AGAP1: variants seen among roughly 807,000 people sequenced by gnomAD.
AGAP1 encodes the protein ArfGAP with GTPase domain, ankyrin repeat and PH domain 1.
A neutral mutation model predicts 105.3 loss-of-function variants in AGAP1; 29 were observed. That is an observed-to-expected ratio of 0.28 (90% confidence interval 0.21 to 0.38). The LOEUF is 0.38. AGAP1 is among the 10% of genes least tolerant of loss of function. The pLI is 1.00. For synonymous variants in AGAP1, 509 were observed against 485.9 expected, an observed-to-expected ratio of 1.05 and a Z score of -0.63; for missense variants, 998 against 1,165.1, an observed-to-expected ratio of 0.86 and a Z score of 2.09.
At chr2:235,834,747 C>T (rs1366320742) in intron 9 of AGAP1, among the ~76,000 whole-genome samples, 2 of 152,042 alleles carry the variant, frequency 1.3e-5, no homozygotes, top group African/African-American at 2.4e-5. Context: ...CGAGAGTCTC[C>T]GAAGTTAGAC....
At chr2:235,916,701 TGGCC>T (rs2051902317) in intron 11 of AGAP1, among the ~76,000 whole-genome samples, 1 of 152,350 alleles carries the variant, frequency 6.6e-6, no homozygotes, top group East Asian at 1.9e-4. Context: ...TTGAAAAGCT[TGGCC>T]GATGCTGACT....
At chr2:235,942,452 C>T (rs1423644948) in intron 12 of AGAP1, among the ~76,000 whole-genome samples, 2 of 151,960 alleles carry the variant, frequency 1.3e-5, no homozygotes, top group East Asian at 1.9e-4. Flanking sequence ...CCGAGACGGG[C>T]GGATCACCTG....
At chr2:235,511,553 GAGCTC>G (rs2149028431) in intron 1 of AGAP1, among the ~76,000 whole-genome samples, 1 of 152,296 alleles carries the variant, frequency 6.6e-6, no homozygotes, top group Non-Finnish European at 1.5e-5. Flanking sequence ...CTGGCAGCCT[GAGCTC>G]AGGGCAGTTC....
In AGAP1 at chr2:235,690,638, G is replaced by A. The variant is rs1186771445; in HGVS notation, c.164-18541G>A. 6.6e-6 allele frequency among the ~76,000 whole-genome samples: 1 copy of A among 152,114 alleles called. No homozygotes were observed. The highest frequency in any genetic ancestry group is 2.1e-4 in the South Asian group (1 of 4,836). On this transcript the variant is annotated intron_variant, in intron 1 of 17. Coordinates refer to ENST00000304032, the MANE Select transcript of AGAP1 (RefSeq NM_001037131.3). The surrounding 1 kb of genome is among the most constrained non-coding windows in gnomAD (Gnocchi z 4.1). ...GAGCGTCTGCTTGAGGAGCTCTGACGGGCTGGGCAGCCAGTGCTCCTGGCC... is the reference window on the plus strand; with the variant it reads ...GAGCGTCTGCTTGAGGAGCTCTGACAGGCTGGGCAGCCAGTGCTCCTGGCC...
chr2:235,928,522 G>C (rs1207005705), intron 11 of AGAP1, among the ~76,000 whole-genome samples: 1 of 152,164 alleles, frequency 6.6e-6, no homozygotes, highest in African/African-American at 2.4e-5. Flanking sequence ...CTCACCATTG[G>C]TTGAGCCCAG....
chr2:235,857,560 CAG>C (rs2048740621), intron 9 of AGAP1, among the ~76,000 whole-genome samples: 1 of 152,176 alleles, frequency 6.6e-6, no homozygotes, highest in African/African-American at 2.4e-5. Context: ...CCTTTTTAAA[CAG>C]AACCTGCAGA....
At chr2:236,026,343 C>T (rs775503394) in intron 13 of AGAP1, among the ~76,000 whole-genome samples, 17 of 151,930 alleles carry the variant, frequency 1.1e-4, no homozygotes, top group Non-Finnish European at 2.4e-4. Flanking sequence ...GCAGGTGGCA[C>T]GTGGAAGGCC....
At chr2:235,836,775 G>A (rs1177315568) in intron 9 of AGAP1, among the ~76,000 whole-genome samples, 1 of 152,138 alleles carries the variant, frequency 6.6e-6, no homozygotes, top group Non-Finnish European at 1.5e-5. Flanking sequence ...CAAGTTCCTG[G>A]TATGTTTTCT....
chr2:235,863,808 A>T (rs2049034834), intron 9 of AGAP1, among the ~76,000 whole-genome samples: 1 of 152,300 alleles, frequency 6.6e-6, no homozygotes, highest in South Asian at 2.1e-4. Context: ...GCAGCTGTGG[A>T]TGAGACCTTC....
At chr2:235,548,250 AGT>A (rs1185502441) in intron 1 of AGAP1, among the ~76,000 whole-genome samples, 1 of 152,182 alleles carries the variant, frequency 6.6e-6, no homozygotes, top group Non-Finnish European at 1.5e-5. Context: ...CTGTTCCTGT[AGT>A]GTCGCTCATG....
At chr2:235,748,629 C>A (rs115396037) in intron 5 of AGAP1, among the ~76,000 whole-genome samples, 3,304 of 152,122 alleles carry the variant, frequency 0.022, 106 homozygotes, top group African/African-American at 0.069. Flanking sequence ...GTCAGCCCAA[C>A]CCTATTTCAT....
Position 236,014,776 on chromosome 2 carries a change from C to T in AGAP1, c.1646-21785C>T, listed in dbSNP as rs568552498. On this transcript the variant is annotated intron_variant, in intron 13 of 17. Transcript: ENST00000304032. This position sits in a 1 kb window ranked among gnomAD's most constrained non-coding sequence, Gnocchi z 6.3. ...TCCTTTTTGTTTTCTCTCTTTTTCC[C>T]CTCTCCCCTTTCTGCTCTCGGGATG... The T allele has an allele frequency of 7.0e-6, 3 of 426,180 alleles. No homozygotes were observed. Among genetic ancestry groups the T allele is most frequent in the African/African-American group, 2.1e-5 (1 of 47,244 alleles). The allele number at this position is 426,180 out of a possible 1,614,324, so 26.4% of individuals were successfully genotyped here.
At position 235,590,712 on chromosome 2, in the gene AGAP1, T is replaced by TGCGC. The variant is rs1553574212; in HGVS notation, c.163+95865_163+95866insGCGC. 6.1e-4 allele frequency among the ~76,000 whole-genome samples: 71 copies of TGCGC among 117,042 alleles called. 1 individual carries two copies. Among genetic ancestry groups the TGCGC allele is most frequent in the Middle Eastern group, 5.7e-3 (1 of 176 alleles). 76.8% of individuals were successfully genotyped at this position (117,042 alleles called of 152,430 possible). Reference sequence around the variant, plus strand: ...GTGTGCGTGTGTGTGTGTGTGTGTGTGCATTTTTTTTTTTTTTTTTTTTTT... The same window carrying TGCGC: ...GTGTGCGTGTGTGTGTGTGTGTGTGTGCGCGCATTTTTTTTTTTTTTTTTTTTTT... On this transcript the variant is annotated intron_variant, in intron 1 of 17. Transcript: ENST00000304032.
In AGAP1 at chr2:236,113,770, G is replaced by A. The variant is rs1278586166; in HGVS notation, c.2115-6422G>A. 6.6e-6 allele frequency among the ~76,000 whole-genome samples: 1 copy of A among 152,108 alleles called. No individual in the cohort carries two copies. The highest frequency in any genetic ancestry group is 1.9e-4 in the East Asian group (1 of 5,186). On this transcript the variant is annotated intron_variant, in intron 16 of 17. Transcript: ENST00000304032. This position sits in a 1 kb window ranked among gnomAD's most constrained non-coding sequence, Gnocchi z 4.3. ...TGGCAGACCCCGAAAAATCCAGAGG[G>A]TTCACGGCTCCTGCAACCTACCCAG...
At position 235,843,855 on chromosome 2, in the gene AGAP1, G is replaced by T. The variant is rs778562142; in HGVS notation, c.1050+36524G>T. Among the ~76,000 whole-genome samples, 2 of 152,208 alleles carry T rather than the reference G, an allele frequency of 1.3e-5. No individual in the cohort carries two copies. The highest frequency in any genetic ancestry group is 2.9e-5 in the Non-Finnish European group (2 of 68,044). On this transcript the variant is annotated intron_variant, in intron 9 of 17. Coordinates refer to ENST00000304032, the MANE Select transcript of AGAP1 (RefSeq NM_001037131.3). This position sits in a 1 kb window ranked among gnomAD's most constrained non-coding sequence, Gnocchi z 5.9. ...TCTTTTCCTTTTGTGTCCACACTTG[G>T]CACAGAATCTTCTTCCAGGCAGCCT...
At chr2:235,715,043 C>T (rs150056196) in intron 2 of AGAP1, among the ~76,000 whole-genome samples, 25 of 152,200 alleles carry the variant, frequency 1.6e-4, no homozygotes, top group South Asian at 4.1e-4. Context: ...ATGATCTGCC[C>T]GCTTCGGCCC....
intron 10 of AGAP1, among the ~76,000 whole-genome samples, chr2:235,886,800 C>T (rs1051692659): frequency 2.6e-5 from 4 of 152,122 alleles, no homozygotes; most frequent in Non-Finnish European, 4.4e-5. Context: ...TCCACGTAAT[C>T]CTTCATGGGT....
chr2:236,030,763 T>C (rs2057198623), intron 13 of AGAP1, among the ~76,000 whole-genome samples: 1 of 152,092 alleles, frequency 6.6e-6, no homozygotes. Context: ...TGCTTAAGTG[T>C]TGGAGAGGAG....
rs146720360 is a variant in AGAP1 at position 235,701,085 on chromosome 2, T to G, written c.164-8094T>G. ...ATGCTATAATATAGTTATATGTATA[T>G]ATTATATACTCTATAATATAGTTAT... On this transcript the variant is annotated intron_variant, in intron 1 of 17. Transcript: ENST00000304032. The surrounding 1 kb of genome is among the most constrained non-coding windows in gnomAD (Gnocchi z 4.1). Among the ~76,000 whole-genome samples, 314 of 137,212 alleles carry G rather than the reference T, an allele frequency of 2.3e-3. No homozygotes were observed. The highest frequency in any genetic ancestry group is 7.8e-3 in the South Asian group (31 of 3,958). The allele number at this position is 137,212 out of a possible 152,430, so 90.0% of individuals were successfully genotyped here. A position where few individuals can be genotyped will look rare whatever the true frequency, so the allele number is the denominator to read the frequency against.
Sources: allele counts gnomAD v4.1 joint callset (sites outside exome capture counted in the v4.1 genomes callset), GRCh38; gene constraint gnomAD v4.1.1; non-coding constraint Gnocchi (gnomAD v3.1); transcripts MANE v1.5; gene names NCBI Gene and HGNC (gene_info 2026-07-23, HGNC 2026-07-21).